Variants in MCTP1 observed in about 807,000 individuals in gnomAD.
MCTP1 encodes the protein multiple C2 and transmembrane domain-containing protein 1.
In MCTP1, 69 loss-of-function variants were observed where a neutral mutation model predicts 120.6. That is an observed-to-expected ratio of 0.57 (90% confidence interval 0.47 to 0.70). The LOEUF (loss-of-function observed/expected upper bound fraction) is 0.70. Ranked by LOEUF, MCTP1 falls within the 30% of genes least tolerant of loss-of-function variation. MCTP1 has a pLI of 0.00. For missense variants in MCTP1, 1,203 were observed against 1,248.8 expected, an observed-to-expected ratio of 0.96 and a Z score of 0.55; for synonymous variants, 529 against 493.1, an observed-to-expected ratio of 1.07 and a Z score of -0.96.
At chr5:95,119,230 G>A (rs1459033892) in intron 1 of MCTP1, among the ~76,000 whole-genome samples, 1 of 152,108 alleles carries the variant, frequency 6.6e-6, no homozygotes, top group Non-Finnish European at 1.5e-5. Flanking sequence ...AATAACCAGA[G>A]GGATTTGAGG....
intron 2 of MCTP1, among the ~76,000 whole-genome samples, chr5:95,004,716 G>C (rs149180696): frequency 2.0e-5 from 3 of 152,252 alleles, no homozygotes; most frequent in African/African-American, 7.2e-5. Context: ...GAGGGCAACA[G>C]TTGAGGCTTG....
chr5:94,853,169 A>G (rs1185994951), intron 17 of MCTP1, among the ~76,000 whole-genome samples: 1 of 151,970 alleles, frequency 6.6e-6, no homozygotes, highest in Non-Finnish European at 1.5e-5. Context: ...AAATTGTTAT[A>G]AAGGTGAACA....
At chr5:94,805,143 C>G (rs755114368) in intron 17 of MCTP1, among the ~76,000 whole-genome samples, 1 of 152,110 alleles carries the variant, frequency 6.6e-6, no homozygotes, top group East Asian at 1.9e-4. Context: ...AATTCTTGTT[C>G]ATAGTCTTTG....
At chr5:94,744,572 C>T (rs1659505474) in intron 19 of MCTP1, among the ~76,000 whole-genome samples, 1 of 152,034 alleles carries the variant, frequency 6.6e-6, no homozygotes. Flanking sequence ...GGTGCCATCT[C>T]AGCTCACTGC....
intron 2 of MCTP1, among the ~76,000 whole-genome samples, chr5:94,988,722 C>T (rs1830911652): frequency 6.6e-6 from 1 of 151,610 alleles, no homozygotes; most frequent in Admixed American, 6.6e-5. Context: ...TCTCATGACG[C>T]TATAAAAGAC....
In MCTP1 at chr5:95,159,362, A is replaced by G. The variant is rs573198944; in HGVS notation, c.720+124494T>C. Among the ~76,000 whole-genome samples the G allele has an allele frequency of 2.6e-5, 4 of 152,344 alleles. No individual in the cohort carries two copies. In the South Asian group the frequency reaches 8.3e-4, roughly 32 times the overall value. On this transcript the variant is annotated intron_variant, in intron 1 of 22. Coordinates refer to ENST00000515393, the MANE Select transcript of MCTP1 (RefSeq NM_024717.7). ...TCTCTCAATTCCCTAAGCTCTTTTCATTCATTTATTCTTACATCCAAACAT... is the reference window on the plus strand; with the variant it reads ...TCTCTCAATTCCCTAAGCTCTTTTCGTTCATTTATTCTTACATCCAAACAT...
At chr5:94,777,927 C>CGTGTGTGTGTGTGTGTGT (rs71615135) in intron 19 of MCTP1, among the ~76,000 whole-genome samples, 46 of 148,958 alleles carry the variant, frequency 3.1e-4, no homozygotes, top group African/African-American at 8.2e-4. Flanking sequence ...AGAAAGTGTG[C>CGTGTGTGTGTGTGTGTGT]GTGTGTGTGT....
rs191050749 is a variant in MCTP1, at chr5:95,032,869, G to T, written c.721-15385C>A. Among the ~76,000 whole-genome samples, 391 of 151,948 alleles carry T rather than the reference G, an allele frequency of 2.6e-3. 1 individual carries two copies. The highest frequency in any genetic ancestry group is 8.7e-3 in the African/African-American group (363 of 41,506). ...ATTAACCAAGAAAAAAAGAGAGAAGGTTCAAATAAGCACAATATCAAATGA... is the reference window on the plus strand; with the variant it reads ...ATTAACCAAGAAAAAAAGAGAGAAGTTTCAAATAAGCACAATATCAAATGA... On this transcript the variant is annotated intron_variant, in intron 1 of 22. Transcript: ENST00000515393.
At chr5:95,210,564 G>T (rs569506368) in intron 1 of MCTP1, among the ~76,000 whole-genome samples, 1 of 148,316 alleles carries the variant, frequency 6.7e-6, no homozygotes, top group East Asian at 2.0e-4. Context: ...GAGCCTATGT[G>T]TGTCTCTGCA....
intron 1 of MCTP1, among the ~76,000 whole-genome samples, chr5:95,085,316 CATATT>C (rs745566758): frequency 9.2e-5 from 14 of 151,862 alleles, no homozygotes; most frequent in Non-Finnish European, 2.1e-4. Context: ...ACAAGTACAA[CATATT>C]ATATAACATA....
At chr5:94,816,633 G>A (rs1432951610) in intron 17 of MCTP1, among the ~76,000 whole-genome samples, 1 of 151,930 alleles carries the variant, frequency 6.6e-6, no homozygotes, top group Non-Finnish European at 1.5e-5. Context: ...TCAATTATAT[G>A]TTTTTATTTT....
At chr5:95,013,343 T>C (rs1474451733) in intron 2 of MCTP1, among the ~76,000 whole-genome samples, 1 of 152,154 alleles carries the variant, frequency 6.6e-6, no homozygotes, top group Non-Finnish European at 1.5e-5. Flanking sequence ...TGATGACGGT[T>C]GCTACACTAA....
intron 17 of MCTP1, among the ~76,000 whole-genome samples, chr5:94,848,554 T>C (rs1027432576): frequency 1.2e-4 from 19 of 152,118 alleles, no homozygotes; most frequent in Non-Finnish European, 2.6e-4. Context: ...TCTGTAACTT[T>C]CACAGGTATT....
chr5:95,147,735 C>G (rs1288603593), intron 1 of MCTP1, among the ~76,000 whole-genome samples: 2 of 152,112 alleles, frequency 1.3e-5, no homozygotes, highest in African/African-American at 4.8e-5. Flanking sequence ...TTTTGATACT[C>G]TCATTGTGTT....
intron 1 of MCTP1, among the ~76,000 whole-genome samples, chr5:95,065,065 T>C (rs1400858031): frequency 4.6e-5 from 7 of 152,172 alleles, no homozygotes; most frequent in Admixed American, 3.3e-4. Flanking sequence ...AAAATTTATA[T>C]AACTGAACAT....
intron 1 of MCTP1, among the ~76,000 whole-genome samples, chr5:95,090,550 T>C (rs1755772427): frequency 6.6e-6 from 1 of 152,124 alleles, no homozygotes; most frequent in African/African-American, 2.4e-5. Context: ...ACACGTGGAG[T>C]TGTGCGGCAC....
At chr5:95,078,431 A>G (rs1754153309) in intron 1 of MCTP1, among the ~76,000 whole-genome samples, 1 of 152,158 alleles carries the variant, frequency 6.6e-6, no homozygotes, top group Non-Finnish European at 1.5e-5. Flanking sequence ...ACCAAAGACT[A>G]TGATCACCTA....
At chr5:94,848,469 T>G (rs1792972695) in intron 17 of MCTP1, among the ~76,000 whole-genome samples, 1 of 152,164 alleles carries the variant, frequency 6.6e-6, no homozygotes, top group South Asian at 2.1e-4. Context: ...GCAGCTTTAA[T>G]AACTACTGAT....
At chr5:95,061,181 T>C (rs1424204367) in intron 1 of MCTP1, among the ~76,000 whole-genome samples, 1 of 151,072 alleles carries the variant, frequency 6.6e-6, no homozygotes, top group Non-Finnish European at 1.5e-5. Context: ...TCTTTTTCTC[T>C]TTTATGCCAA....
Sources: gnomAD v4.1 joint callset for allele counts (sites outside exome capture counted in the v4.1 genomes callset) on GRCh38, gnomAD v4.1.1 for gene constraint, MANE v1.5 for transcripts, NCBI Gene and HGNC (gene_info 2026-07-23, HGNC 2026-07-21) for gene names.